Variants in GREB1L observed in about 807,000 individuals in gnomAD.
GREB1L encodes the protein GREB1 like retinoic acid receptor coactivator, also known as GREB1-like protein.
GREB1L carries 17 observed loss-of-function variants against 200.8 expected under a neutral mutation model. The ratio of observed to expected loss-of-function variants is 0.08; its 90% CI spans 0.06 to 0.13. The LOEUF (loss-of-function observed/expected upper bound fraction) is 0.13. Ranked by LOEUF, GREB1L falls within the 10% of genes least tolerant of loss-of-function variation. GREB1L has a pLI of 1.00. For missense variants in GREB1L, 1,657 were observed against 2,367.7 expected (o/e 0.70, Z 6.23); for synonymous variants, 789 against 893.0 (o/e 0.88, Z 2.08).
At chr18:21,474,230 C>T (rs758764575) in intron 16 of GREB1L, among the ~76,000 whole-genome samples, 1 of 152,222 alleles carries the variant, frequency 6.6e-6, no homozygotes, top group Non-Finnish European at 1.5e-5. Context: ...TCATCTGAGA[C>T]AAGGCAAGTC....
chr18:21,262,771 A>G (rs2037909397), intron 1 of GREB1L, among the ~76,000 whole-genome samples: 1 of 152,206 alleles, frequency 6.6e-6, no homozygotes, highest in Non-Finnish European at 1.5e-5. Context: ...GGAAATGGCC[A>G]TGATAAAGCA....
At chr18:21,437,211 G>A (rs531835908) in intron 7 of GREB1L, among the ~76,000 whole-genome samples, 1 of 152,228 alleles carries the variant, frequency 6.6e-6, no homozygotes, top group African/African-American at 2.4e-5. Flanking sequence ...TTATAGGTGT[G>A]AGCCATTGTG....
At position 21,326,178 on chromosome 18, in the gene GREB1L, A is replaced by T. The variant is rs568002882; in HGVS notation, c.-119-39849A>T. 4.6e-5 allele frequency among the ~76,000 whole-genome samples: 7 copies of T among 152,308 alleles called. No individual in the cohort carries two copies. The East Asian group carries it at 1.2e-3, about 25-fold the overall frequency. ...TAGCATATGAAAATATCATAAATTG[A>T]TACATGGAAAAAAGAACAGTGTGTA... On this transcript the variant is annotated intron_variant, in intron 1 of 32. Coordinates refer to ENST00000424526, the MANE Select transcript of GREB1L (RefSeq NM_001142966.3).
chr18:21,254,365 A>G (rs1351506077), intron 1 of GREB1L, among the ~76,000 whole-genome samples: 1 of 151,970 alleles, frequency 6.6e-6, no homozygotes, highest in African/African-American at 2.4e-5. Flanking sequence ...CACCATGCCC[A>G]GCCGCTTTTG....
chr18:21,365,835 A>G (rs939492327), intron 1 of GREB1L, among the ~76,000 whole-genome samples, 192 bp from the exon 2 acceptor site: 3 of 152,114 alleles, frequency 2.0e-5, no homozygotes, highest in Non-Finnish European at 2.9e-5. Flanking sequence ...TTTTGAGACT[A>G]TTGAGAAAAG....
intron 1 of GREB1L, among the ~76,000 whole-genome samples, chr18:21,333,365 T>C (rs1243252388): frequency 6.6e-6 from 1 of 152,178 alleles, no homozygotes; most frequent in Admixed American, 6.6e-5. Flanking sequence ...AATAGTTTTA[T>C]ATCAGAGCCT....
rs1400780377 is a variant in GREB1L at position 21,525,758 on chromosome 18, G to A, written c.*2937G>A. ...GTAGTATGAAGATGCTGTTATTGTA[G>A]TATGAATTATATCTTCTTAAAAAAT... On this transcript the variant is annotated 3_prime_UTR_variant, in exon 33 of 33. Coordinates refer to ENST00000424526, the MANE Select transcript of GREB1L (RefSeq NM_001142966.3). Among the ~76,000 whole-genome samples, 1 of 152,162 alleles carries A rather than the reference G, an allele frequency of 6.6e-6. No individual in the cohort carries two copies. The highest frequency in any genetic ancestry group is 1.5e-5 in the Non-Finnish European group (1 of 68,024).
intron 1 of GREB1L, among the ~76,000 whole-genome samples, chr18:21,362,378 C>G (rs28661749): frequency 7.3e-5 from 11 of 151,714 alleles, no homozygotes; most frequent in African/African-American, 2.4e-4. Context: ...TCATTAGTAA[C>G]CCCAAAGAAA....
At chr18:21,346,453 A>G (rs192891414) in intron 1 of GREB1L, among the ~76,000 whole-genome samples, 1 of 151,892 alleles carries the variant, frequency 6.6e-6, no homozygotes, top group East Asian at 1.9e-4. Flanking sequence ...AGTTGCAGCA[A>G]TTGAGACCTG....
Position 21,505,585 on chromosome 18 carries a change from A to C in GREB1L, c.4228+18A>C, listed in dbSNP as rs1027797743. 1 of 1,550,854 alleles carries C rather than the reference A, an allele frequency of 6.4e-7. No individual in the cohort carries two copies. Among genetic ancestry groups the C allele is most frequent in the Admixed American group, 2.0e-5 (1 of 50,992 alleles). ...CAAACAAGGTCAGTGCAATCAGCCA[A>C]GTTCACCTCCTCTCTGGGTTAAGGG... On this transcript the variant is annotated intron_variant, in intron 24 of 32. Coordinates refer to ENST00000424526, the MANE Select transcript of GREB1L (RefSeq NM_001142966.3).
chr18:21,449,006 C>T (rs2034385806), intron 11 of GREB1L, among the ~76,000 whole-genome samples: 1 of 152,206 alleles, frequency 6.6e-6, no homozygotes, highest in African/African-American at 2.4e-5. Flanking sequence ...AATAATTAAA[C>T]TTCATTTCCT....
chr18:21,344,247 A>G (rs2039311183), intron 1 of GREB1L, among the ~76,000 whole-genome samples: 1 of 152,170 alleles, frequency 6.6e-6, no homozygotes, highest in African/African-American at 2.4e-5. Context: ...GAAAAATACC[A>G]AAAATTAGCC....
rs749402458 is a variant in GREB1L at position 21,500,257 on chromosome 18, G to A, written c.3920G>A (p.Gly1307Asp). 302 of 1,498,622 alleles carry A rather than the reference G, an allele frequency of 2.0e-4. No homozygotes were observed. The highest frequency in any genetic ancestry group is 2.5e-4 in the Non-Finnish European group (279 of 1,110,108). 92.8% of individuals were successfully genotyped at this position (1,498,622 alleles called of 1,614,324 possible). The change falls in exon 22 of 33, where the codon GGC becomes GAC. Residue 1307 changes from glycine (G) to aspartate (D), a missense_variant. Physicochemically the swap from Gly to Asp is moderately conservative, Grantham distance 94 (BLOSUM62 -1). This residue lies in a region of GREB1L where 512 missense variants were observed against 668.3 expected (regional missense o/e 0.77). Transcript: ENST00000424526. ...DYSNQLDPAS[G>D]TRNFHPRRLL... ...AGCAACCAGCTGGACCCGGCCTCTG[G>A]CACCCGAAACTTCCACCCCCGACGG...
chr18:21,514,170 G>A (rs2037336655), intron 28 of GREB1L, among the ~76,000 whole-genome samples, 184 bp downstream of exon 28: 1 of 152,146 alleles, frequency 6.6e-6, no homozygotes, highest in Non-Finnish European at 1.5e-5. Context: ...TAGACATTCA[G>A]TAGCCCATTA....
At chr18:21,278,380 CAAAAAAAA>C (rs550496435) in intron 1 of GREB1L, among the ~76,000 whole-genome samples, 3 of 106,306 alleles carry the variant, frequency 2.8e-5, no homozygotes, top group African/African-American at 9.5e-5. Flanking sequence ...GACTCCATCT[CAAAAAAAA>C]AAAATAAATA....
chr18:21,280,147 T>C (rs1387298669), intron 1 of GREB1L, among the ~76,000 whole-genome samples: 2 of 152,208 alleles, frequency 1.3e-5, no homozygotes, highest in Non-Finnish European at 2.9e-5. Context: ...TCATGCAGGA[T>C]AGTTTGATTG....
intron 1 of GREB1L, among the ~76,000 whole-genome samples, chr18:21,281,796 G>C (rs2038274274): frequency 6.6e-6 from 1 of 152,184 alleles, no homozygotes. Context: ...AAACTGGATT[G>C]TGGTAATGGT....
chr18:21,358,831 T>C (rs923440155), intron 1 of GREB1L, among the ~76,000 whole-genome samples: 3 of 152,118 alleles, frequency 2.0e-5, no homozygotes, highest in African/African-American at 7.2e-5. Context: ...CACTAAAAAC[T>C]GTTGAAATAA....
chr18:21,401,057 T>A, intron 5 of GREB1L, 93 bp from the exon 6 acceptor site: 1 of 1,049,992 alleles, frequency 9.5e-7, no homozygotes, highest in Non-Finnish European at 1.4e-6. Context: ...CATTTTTGGG[T>A]CAAAGAATGT....
Sources: allele counts gnomAD v4.1 joint callset (sites outside exome capture counted in the v4.1 genomes callset), GRCh38; gene constraint gnomAD v4.1.1; regional missense constraint gnomAD v4.1.1; transcripts MANE v1.5; gene names NCBI Gene and HGNC (gene_info 2026-07-23, HGNC 2026-07-21).